Variants in PTPRO observed in about 807,000 individuals in gnomAD.
The protein encoded by PTPRO is receptor-type tyrosine-protein phosphatase O.
PTPRO carries 62 observed loss-of-function variants against 145.2 expected under a neutral mutation model. That is an observed-to-expected ratio of 0.43 (90% confidence interval 0.35 to 0.53). The LOEUF is 0.53. Ranked by LOEUF, PTPRO falls within the 20% of genes least tolerant of loss-of-function variation. The pLI, the probability that PTPRO is intolerant of heterozygous loss-of-function variation, is 0.01. For missense variants in PTPRO, 1,345 were observed against 1,482.7 expected (o/e 0.91, Z 1.53); for synonymous variants, 565 against 514.7 (o/e 1.10, Z -1.32).
Position 15,440,285 on chromosome 12 carries a change from C to T in PTPRO, c.76-43689C>T, listed in dbSNP as rs961466215. Reference sequence around the variant, plus strand: ...GACCTACAGCTACCTGACCCCCAACCTCCGGAAGGAGACTGTATTCACCAT... The same window carrying T: ...GACCTACAGCTACCTGACCCCCAACTTCCGGAAGGAGACTGTATTCACCAT... On this transcript the variant is annotated intron_variant, in intron 1 of 26. Coordinates refer to ENST00000281171, the MANE Select transcript of PTPRO (RefSeq NM_030667.3). 9.2e-5 allele frequency: 53 copies of T among 577,394 alleles called. No homozygotes were observed. The Middle Eastern group carries it at 1.5e-3, about 17-fold the overall frequency. The allele number at this position is 577,394 out of a possible 1,614,324, so 35.8% of individuals were successfully genotyped here. A position where few individuals can be genotyped will look rare whatever the true frequency, so the allele number is the denominator to read the frequency against.
chr12:15,353,987 A>G (rs1024471164), intron 1 of PTPRO, among the ~76,000 whole-genome samples: 16 of 152,188 alleles, frequency 1.1e-4, no homozygotes, highest in African/African-American at 3.9e-4. Flanking sequence ...TTTGGCATCC[A>G]TCAAGTGGAA....
In PTPRO at chr12:15,544,870, A is replaced by G. The variant is rs78727624; in HGVS notation, c.2165-1699A>G. On this transcript the variant is annotated intron_variant, in intron 12 of 26. Coordinates refer to ENST00000281171, the MANE Select transcript of PTPRO (RefSeq NM_030667.3). ...AATACAATGCCTGGAGGACTGGACA[A>G]TTCATTGCAAGTGAAAAAGGGCTCC... Among the ~76,000 whole-genome samples the G allele has an allele frequency of 3.2e-3, 487 of 152,306 alleles. 3 individuals are homozygous for G. The highest frequency in any genetic ancestry group is 0.024 in the Middle Eastern group (7 of 294).
intron 1 of PTPRO, among the ~76,000 whole-genome samples, chr12:15,422,235 T>C (rs908630995): frequency 2.4e-4 from 37 of 152,306 alleles, no homozygotes; most frequent in Admixed American, 1.8e-3. Flanking sequence ...GAAGACATCA[T>C]AATTGTACGA....
rs927182568 is a variant in PTPRO at position 15,597,622 on chromosome 12, C to G, written c.*1549C>G. Reference sequence around the variant, plus strand: ...TGTCACTGAAAAGGCTTGGCCATGGCAGACCTTGGCAGAGTTTCTTGCAAG... The same window carrying G: ...TGTCACTGAAAAGGCTTGGCCATGGGAGACCTTGGCAGAGTTTCTTGCAAG... On this transcript the variant is annotated 3_prime_UTR_variant, in exon 27 of 27. Transcript: ENST00000281171. 6.6e-6 allele frequency among the ~76,000 whole-genome samples: 1 copy of G among 152,194 alleles called. No individual in the cohort carries two copies. Among genetic ancestry groups the G allele is most frequent in the Admixed American group, 6.5e-5 (1 of 15,286 alleles).
At chr12:15,593,574 C>T (rs200760296) in intron 25 of PTPRO, among the ~76,000 whole-genome samples, 3 of 152,176 alleles carry the variant, frequency 2.0e-5, no homozygotes, top group East Asian at 3.9e-4. Context: ...TACTATGTAG[C>T]CTGTATAGTA....
chr12:15,415,445 T>C (rs908170425), intron 1 of PTPRO, among the ~76,000 whole-genome samples: 19 of 151,292 alleles, frequency 1.3e-4, no homozygotes, highest in South Asian at 4.2e-4. Flanking sequence ...AGTGCAGTGG[T>C]GCAGTCTTGG....
chr12:15,416,936 G>T (rs1939997448), intron 1 of PTPRO, among the ~76,000 whole-genome samples: 1 of 151,410 alleles, frequency 6.6e-6, no homozygotes, highest in Non-Finnish European at 1.5e-5. Flanking sequence ...AAAGTGCCTG[G>T]ATATAAGTTT....
intron 8 of PTPRO, among the ~76,000 whole-genome samples, chr12:15,516,523 G>GAA (rs771396595): frequency 2.3e-4 from 31 of 135,542 alleles, no homozygotes; most frequent in Non-Finnish European, 4.5e-4. Flanking sequence ...GAAAGAAAAA[G>GAA]AAAAGAAAAG....
intron 1 of PTPRO, among the ~76,000 whole-genome samples, chr12:15,476,010 T>C (rs369063633): frequency 3.3e-5 from 5 of 152,026 alleles, no homozygotes; most frequent in South Asian, 4.1e-4. Context: ...AGCAAAAAGA[T>C]AGAAGAGAAG....
intron 13 of PTPRO, among the ~76,000 whole-genome samples, chr12:15,547,173 C>A (rs1277852247): frequency 6.6e-6 from 1 of 152,058 alleles, no homozygotes; most frequent in Non-Finnish European, 1.5e-5. Context: ...CAGGTCCATT[C>A]GACCAAGAGA....
At chr12:15,468,262 A>T (rs1941461765) in intron 1 of PTPRO, among the ~76,000 whole-genome samples, 1 of 152,166 alleles carries the variant, frequency 6.6e-6, no homozygotes, top group Non-Finnish European at 1.5e-5. Flanking sequence ...AAGTAACATC[A>T]TAAAGTTTTT....
At chr12:15,544,528 G>C (rs77133667) in intron 12 of PTPRO, among the ~76,000 whole-genome samples, 3 of 118,890 alleles carry the variant, frequency 2.5e-5, no homozygotes, top group Non-Finnish European at 5.4e-5. Context: ...AAAAAAAAAA[G>C]ATTAAAGGAA....
chr12:15,484,774 GA>G (rs925058663), intron 2 of PTPRO, among the ~76,000 whole-genome samples: 8 of 151,694 alleles, frequency 5.3e-5, no homozygotes, highest in African/African-American at 1.7e-4. Flanking sequence ...AAAATGCCAA[GA>G]AAAAAAATTA....
At chr12:15,424,147 A>G (rs1940220290) in intron 1 of PTPRO, among the ~76,000 whole-genome samples, 2 of 152,214 alleles carry the variant, frequency 1.3e-5, no homozygotes, top group Non-Finnish European at 2.9e-5. Context: ...GAAGTGTAGC[A>G]TAAGTATTAT....
chr12:15,581,948 C>T (rs1944329577), intron 23 of PTPRO, 147 bp downstream of exon 23: 1 of 1,087,510 alleles, frequency 9.2e-7, no homozygotes, highest in South Asian at 1.3e-5. Context: ...AATCAGGGGT[C>T]TCACAGCTTT....
In PTPRO at chr12:15,501,670, A is replaced by T. The variant is rs144976351; in HGVS notation, c.712A>T (p.Asn238Tyr). The change falls in exon 5 of 27, where the codon AAC becomes TAC. Residue 238 changes from asparagine (N) to tyrosine (Y), a missense_variant. Asn to Tyr is a moderately radical substitution (Grantham distance 143). Coordinates refer to ENST00000281171, the MANE Select transcript of PTPRO (RefSeq NM_030667.3). ...ISVRIVNLNK[N>Y]NWEEQSGNFP... ...CGTTCGTATCGTAAACTTGAACAAAAACAACTGGGAAGAACAGAGTGGCAA... is the reference window on the plus strand; with the variant it reads ...CGTTCGTATCGTAAACTTGAACAAATACAACTGGGAAGAACAGAGTGGCAA... 2.0e-4 allele frequency: 328 copies of T among 1,614,048 alleles called. 1 individual carries two copies. The highest frequency in any genetic ancestry group is 1.5e-3 in the African/African-American group (111 of 75,032).
intron 1 of PTPRO, among the ~76,000 whole-genome samples, chr12:15,411,111 A>G (rs1939786624): frequency 6.6e-6 from 1 of 152,250 alleles, no homozygotes; most frequent in East Asian, 1.9e-4. Flanking sequence ...TAGGTCAGTC[A>G]GTAAGTTTTA....
At chr12:15,489,923 T>C (rs545100804) in intron 2 of PTPRO, among the ~76,000 whole-genome samples, 1 of 152,304 alleles carries the variant, frequency 6.6e-6, no homozygotes, top group Non-Finnish European at 1.5e-5. Flanking sequence ...TGGAATCGTA[T>C]ATGCAAATAA....
At chr12:15,410,286 C>T (rs1939763351) in intron 1 of PTPRO, 1 of 152,164 alleles carries the variant, frequency 6.6e-6, no homozygotes, top group African/African-American at 2.4e-5. Flanking sequence ...CTAGGAGTGC[C>T]TGTGAGGATG....
Sources: allele counts gnomAD v4.1 joint callset (sites outside exome capture counted in the v4.1 genomes callset), GRCh38; gene constraint gnomAD v4.1.1; transcripts MANE v1.5; gene names NCBI Gene and HGNC (gene_info 2026-07-23, HGNC 2026-07-21).